The following NEURL1 variants were observed in gnomAD, a reference collection of about 807,000 sequenced individuals.
NEURL1 encodes the protein E3 ubiquitin-protein ligase NEURL1.
NEURL1 carries 26 observed loss-of-function variants against 41.2 expected under a neutral mutation model. That is an observed-to-expected ratio of 0.63 (90% confidence interval 0.46 to 0.87). The LOEUF (loss-of-function observed/expected upper bound fraction) is 0.87, where lower values mean the gene tolerates loss of function less well. Ranked by LOEUF, NEURL1 falls within the 40% of genes least tolerant of loss-of-function variation. The pLI is 0.00. For missense variants in NEURL1, 761 were observed against 871.1 expected (o/e 0.87, Z 1.59); for synonymous variants, 400 against 402.3 (o/e 0.99, Z 0.07).
At chr10:103,547,669 GC>G (rs2034950830) in intron 1 of NEURL1, among the ~76,000 whole-genome samples, 1 of 152,214 alleles carries the variant, frequency 6.6e-6, no homozygotes. Context: ...CGTAGGCTGA[GC>G]CGTGGGGCTA....
chr10:103,585,370 G>A, intron 4 of NEURL1, 145 bp downstream of exon 4: 2 of 767,120 alleles, frequency 2.6e-6, no homozygotes, highest in South Asian at 2.1e-5. Context: ...AGTTCTGGGC[G>A]GGACTTGGTC....
At chr10:103,519,948 C>G (rs2034308457) in intron 1 of NEURL1, among the ~76,000 whole-genome samples, 1 of 151,684 alleles carries the variant, frequency 6.6e-6, no homozygotes, top group South Asian at 2.1e-4. Flanking sequence ...CATACTCTGG[C>G]TAATTTTTAA....
At chr10:103,557,448 T>C (rs146820411) in intron 1 of NEURL1, among the ~76,000 whole-genome samples, 55 of 152,212 alleles carry the variant, frequency 3.6e-4, no homozygotes, top group African/African-American at 1.3e-3. Flanking sequence ...ACTCTAGGAA[T>C]TGGGCATCCA....
At chr10:103,496,041 T>C (rs1175716542) in intron 1 of NEURL1, among the ~76,000 whole-genome samples, 2 of 150,944 alleles carry the variant, frequency 1.3e-5, no homozygotes, top group Non-Finnish European at 2.9e-5. Flanking sequence ...ATCTGGCAGA[T>C]GGAAGTTGCA....
At chr10:103,559,988 A>G (rs2035254842) in intron 1 of NEURL1, among the ~76,000 whole-genome samples, 1 of 151,778 alleles carries the variant, frequency 6.6e-6, no homozygotes, top group Non-Finnish European at 1.5e-5. Context: ...GCACATGCAC[A>G]CATATACACA....
chr10:103,494,308 G>T lies in NEURL1; in HGVS notation c.-80G>T. ...CCCCCGGTGGCGCGCACCCGCGCGC[G>T]CACACTCGCACACCGCACCTCAGCG... On this transcript the variant is annotated 5_prime_UTR_variant, in exon 1 of 6. Coordinates refer to ENST00000369780, the MANE Select transcript of NEURL1 (RefSeq NM_004210.5). The T allele has an allele frequency of 2.5e-6, 3 of 1,213,992 alleles. No individual in the cohort carries two copies. The highest frequency in any genetic ancestry group is 3.4e-6 in the Non-Finnish European group (3 of 879,076). 75.2% of individuals were successfully genotyped at this position (1,213,992 alleles called of 1,614,324 possible).
Position 103,584,978 on chromosome 10 carries a change from G to C in NEURL1, c.1092G>C (p.Thr364=), listed in dbSNP as rs746639030. ...GCGTCACCACGTGCGACCCCGGCAC[G>C]CTGCGGCCGGCCGACCTGCCTTTCA... The part of the protein sequence containing the change: ...SFGVTTCDPG[T]LRPADLPFSP... Residue 364 remains threonine (T), a synonymous_variant, in exon 4 of 6, where the codon ACG becomes ACC. Coordinates refer to ENST00000369780, the MANE Select transcript of NEURL1 (RefSeq NM_004210.5). The C allele has an allele frequency of 2.0e-6, 3 of 1,532,162 alleles. No homozygotes were observed. The highest frequency in any genetic ancestry group is 1.4e-5 in the African/African-American group (1 of 70,710). 94.9% of individuals were successfully genotyped at this position (1,532,162 alleles called of 1,614,324 possible). A position where few individuals can be genotyped will look rare whatever the true frequency, so the allele number is the denominator to read the frequency against.
chr10:103,508,167 T>C lies in NEURL1; in HGVS notation c.85+13695T>C, dbSNP rs2033990683. ...GGAAACGCCTGTTTGTCTCCGCCCC[T>C]GGGCTTGGGGACTTCTCACAGGGTC... On this transcript the variant is annotated intron_variant, in intron 1 of 5. Coordinates refer to ENST00000369780, the MANE Select transcript of NEURL1 (RefSeq NM_004210.5). The surrounding 1 kb of genome is among the most constrained non-coding windows in gnomAD (Gnocchi z 4.3). Among the ~76,000 whole-genome samples, 1 of 152,232 alleles carries C rather than the reference T, an allele frequency of 6.6e-6. No individual in the cohort carries two copies. The highest frequency in any genetic ancestry group is 1.5e-5 in the Non-Finnish European group (1 of 68,038).
At chr10:103,502,214 A>G (rs543782366) in intron 1 of NEURL1, among the ~76,000 whole-genome samples, 37 of 152,284 alleles carry the variant, frequency 2.4e-4, no homozygotes, top group Non-Finnish European at 4.9e-4. Context: ...CTTGGGGGGA[A>G]TTTCTCCATA....
intron 1 of NEURL1, among the ~76,000 whole-genome samples, chr10:103,524,191 T>C (rs924718108): frequency 2.0e-5 from 3 of 152,238 alleles, no homozygotes; most frequent in Admixed American, 2.0e-4. Context: ...TGATGGTTAG[T>C]GATGTTGAAC....
intron 1 of NEURL1, among the ~76,000 whole-genome samples, chr10:103,553,046 G>A (rs1592216723): frequency 1.3e-5 from 2 of 152,218 alleles, no homozygotes; most frequent in South Asian, 2.1e-4. Context: ...AGGAAGGCCA[G>A]GCTGGCATGT....
intron 1 of NEURL1, among the ~76,000 whole-genome samples, chr10:103,549,853 C>T (rs2034998060): frequency 6.6e-6 from 1 of 152,216 alleles, no homozygotes; most frequent in South Asian, 2.1e-4. Context: ...CAGCAGAAGA[C>T]ATTACTCCTG....
At chr10:103,537,218 C>G (rs2034711472) in intron 1 of NEURL1, among the ~76,000 whole-genome samples, 1 of 152,220 alleles carries the variant, frequency 6.6e-6, no homozygotes, top group Admixed American at 6.5e-5. Context: ...AATAATGCTG[C>G]TATGAACATG....
chr10:103,532,646 A>T (rs754797407), intron 1 of NEURL1, among the ~76,000 whole-genome samples: 2 of 151,956 alleles, frequency 1.3e-5, no homozygotes, highest in Non-Finnish European at 1.5e-5. Flanking sequence ...TCTAATAGAT[A>T]TTCCTTTATA....
At chr10:103,571,395 G>T in intron 2 of NEURL1, 106 bp from the exon 3 acceptor site, 1 of 1,223,228 alleles carries the variant, frequency 8.2e-7, no homozygotes, top group Non-Finnish European at 1.1e-6. Flanking sequence ...TGGAATGGTG[G>T]GCAGGCTGCT....
At chr10:103,532,399 G>A (rs1470946861) in intron 1 of NEURL1, among the ~76,000 whole-genome samples, 1 of 152,102 alleles carries the variant, frequency 6.6e-6, no homozygotes, top group Non-Finnish European at 1.5e-5. Context: ...AGTGATGATT[G>A]TCTTTTTTGC....
intron 1 of NEURL1, among the ~76,000 whole-genome samples, chr10:103,542,239 G>A (rs2034835843): frequency 6.6e-6 from 1 of 152,156 alleles, no homozygotes; most frequent in Non-Finnish European, 1.5e-5. Flanking sequence ...GTCTAGCGTG[G>A]ATACTGGGCA....
chr10:103,498,026 A>C (rs2033727316), intron 1 of NEURL1, among the ~76,000 whole-genome samples: 1 of 152,122 alleles, frequency 6.6e-6, no homozygotes, highest in Non-Finnish European at 1.5e-5. Context: ...AAAGGCTTGG[A>C]GGGGCTTGAG....
rs2034909774 is a variant in NEURL1, at chr10:103,545,649, C to T, written c.86-25223C>T. On this transcript the variant is annotated intron_variant, in intron 1 of 5. Transcript: ENST00000369780. This position sits in a 1 kb window ranked among gnomAD's most constrained non-coding sequence, Gnocchi z 4.5. ...GAGCTGGCATAGTGCAGTGGCTGGA[C>T]TCAAGTCATCTCTCACCTTTGCTGT... Among the ~76,000 whole-genome samples, 1 of 152,210 alleles carries T rather than the reference C, an allele frequency of 6.6e-6. No homozygotes were observed. Among genetic ancestry groups the T allele is most frequent in the African/African-American group, 2.4e-5 (1 of 41,450 alleles).
Sources: gnomAD v4.1 joint callset for allele counts (sites outside exome capture counted in the v4.1 genomes callset) on GRCh38, gnomAD v4.1.1 for gene constraint, Gnocchi (gnomAD v3.1) non-coding constraint, MANE v1.5 for transcripts, NCBI Gene and HGNC (gene_info 2026-07-23, HGNC 2026-07-21) for gene names.